Variants in SCHIP1 observed in about 807,000 individuals in gnomAD.
The protein encoded by SCHIP1 is schwannomin-interacting protein 1.
A neutral mutation model predicts 29.7 loss-of-function variants in SCHIP1; 8 were observed. The ratio of observed to expected loss-of-function variants is 0.27; its 90% CI spans 0.16 to 0.49. SCHIP1 has a LOEUF of 0.49. Among genes scored for constraint, SCHIP1 ranks in the 20% least tolerant of loss-of-function variants. The probability of loss-of-function intolerance (pLI) is 0.99; values close to 1 mark genes in which losing one functional copy is unlikely to be tolerated. For missense variants in SCHIP1, 193 were observed against 294.6 expected, an observed-to-expected ratio of 0.66 and a Z score of 2.52; for synonymous variants, 76 against 94.9, an observed-to-expected ratio of 0.80 and a Z score of 1.16.
chr3:159,804,018 C>CTGAAAAATAGT, the SCHIP1 span, among the ~76,000 whole-genome samples: 2 of 152,164 alleles, frequency 1.3e-5, no homozygotes, highest in African/African-American at 4.8e-5. Flanking sequence ...ACGATGGCCT[C>CTGAAAAATAGT]ACACCTTTGA....
chr3:159,712,811 AAGAAAGAAAGAAGAG>A, the SCHIP1 span, among the ~76,000 whole-genome samples: 4 of 150,028 alleles, frequency 2.7e-5, no homozygotes, highest in African/African-American at 7.5e-5. Context: ...GAGAAAGAAA[AAGAAAGAAAGAAGAG>A]AGAAAGAAAG....
the SCHIP1 span, among the ~76,000 whole-genome samples, chr3:159,421,958 G>T: frequency 6.6e-6 from 1 of 152,102 alleles, no homozygotes. Flanking sequence ...AAGAAAGTAA[G>T]TTAAGTGAAA....
intron 2 of SCHIP1, among the ~76,000 whole-genome samples, chr3:159,878,772 C>T (rs1429688457): frequency 1.3e-4 from 19 of 142,120 alleles, no homozygotes; most frequent in Admixed American, 1.2e-3. Flanking sequence ...AGCGAGACTC[C>T]GTCTCAAAAA....
chr3:159,443,861 G>A, the SCHIP1 span, among the ~76,000 whole-genome samples: 7 of 152,258 alleles, frequency 4.6e-5, no homozygotes, highest in East Asian at 1.4e-3. Context: ...CTCTGTATGA[G>A]TTCCACTTTG....
At chr3:159,448,479 A>C in the SCHIP1 span, among the ~76,000 whole-genome samples, 1 of 152,106 alleles carries the variant, frequency 6.6e-6, no homozygotes, top group Non-Finnish European at 1.5e-5. Context: ...CAAAGAAAGA[A>C]AAAAAAGTAT....
At chr3:159,540,016 A>G in the SCHIP1 span, among the ~76,000 whole-genome samples, 2 of 152,012 alleles carry the variant, frequency 1.3e-5, no homozygotes, top group African/African-American at 4.8e-5. Context: ...TAATTTTTTT[A>G]TAGATACAGG....
the SCHIP1 span, among the ~76,000 whole-genome samples, chr3:159,706,929 C>T: frequency 1.3e-5 from 2 of 152,144 alleles, no homozygotes; most frequent in Non-Finnish European, 2.9e-5. Flanking sequence ...ATTCAGCACT[C>T]GTTATGTGTC....
upstream of SCHIP1, among the ~76,000 whole-genome samples, chr3:159,836,577 T>C (rs1743677873): frequency 6.6e-6 from 1 of 152,254 alleles, no homozygotes; most frequent in African/African-American, 2.4e-5. Flanking sequence ...CTTTGATGGC[T>C]TTTTGTTGTT....
the SCHIP1 span, among the ~76,000 whole-genome samples, chr3:159,657,902 T>C: frequency 6.6e-6 from 1 of 152,218 alleles, no homozygotes; most frequent in Non-Finnish European, 1.5e-5. Flanking sequence ...ACACCCTGAC[T>C]TATAGCTATG....
At chr3:159,830,358 A>G in the SCHIP1 span, among the ~76,000 whole-genome samples, 1 of 152,158 alleles carries the variant, frequency 6.6e-6, no homozygotes, top group African/African-American at 2.4e-5. Context: ...TTTCATATTG[A>G]TTTTCATTTT....
intron 1 of SCHIP1, among the ~76,000 whole-genome samples, chr3:159,851,322 T>C (rs1192878639): frequency 6.6e-6 from 1 of 152,206 alleles, no homozygotes; most frequent in Non-Finnish European, 1.5e-5. Flanking sequence ...TTGATTATTT[T>C]ATTCAGCACA....
chr3:159,697,027 G>C, the SCHIP1 span, among the ~76,000 whole-genome samples: 1 of 152,154 alleles, frequency 6.6e-6, no homozygotes, highest in African/African-American at 2.4e-5. Flanking sequence ...GCCATTGAAC[G>C]ATTTTAAGGG....
At chr3:159,585,093 C>T in the SCHIP1 span, among the ~76,000 whole-genome samples, 1 of 144,860 alleles carries the variant, frequency 6.9e-6, no homozygotes, top group Non-Finnish European at 1.5e-5. Context: ...ACCAGCACTT[C>T]TGACCCTCTC....
chr3:159,511,513 C>T, the SCHIP1 span, among the ~76,000 whole-genome samples: 4 of 152,152 alleles, frequency 2.6e-5, no homozygotes, highest in Admixed American at 6.5e-5. Flanking sequence ...GAGATGAACT[C>T]GGTACCTCAG....
chr3:159,603,216 GAAACGAC>G, the SCHIP1 span, among the ~76,000 whole-genome samples: 1 of 152,316 alleles, frequency 6.6e-6, no homozygotes, highest in South Asian at 2.1e-4. Flanking sequence ...AGTTACGGGG[GAAACGAC>G]ACAGAGCTTC....
intron 1 of SCHIP1, among the ~76,000 whole-genome samples, chr3:159,847,109 T>G (rs1330257387): frequency 6.6e-6 from 1 of 152,218 alleles, no homozygotes; most frequent in African/African-American, 2.4e-5. Context: ...GTGAAACATA[T>G]TTTAATCCAA....
the SCHIP1 span, among the ~76,000 whole-genome samples, chr3:159,754,745 T>G: frequency 1.3e-5 from 2 of 152,204 alleles, no homozygotes; most frequent in Non-Finnish European, 2.9e-5. Flanking sequence ...AGCCAAGATG[T>G]ACAGTCTCCC....
the SCHIP1 span, among the ~76,000 whole-genome samples, chr3:159,599,223 T>C: frequency 2.6e-4 from 39 of 152,330 alleles, no homozygotes; most frequent in African/African-American, 8.7e-4. Flanking sequence ...TTTGTTTCTT[T>C]AATATTGTTG....
the SCHIP1 span, among the ~76,000 whole-genome samples, chr3:159,580,111 T>C: frequency 1.3e-5 from 2 of 152,174 alleles, no homozygotes; most frequent in South Asian, 2.1e-4. Context: ...GATTCTGTTA[T>C]GGTGTAAATA....
Sources: allele counts gnomAD v4.1 joint callset (sites outside exome capture counted in the v4.1 genomes callset), GRCh38; gene constraint gnomAD v4.1.1; transcripts MANE v1.5; gene names NCBI Gene and HGNC (gene_info 2026-07-23, HGNC 2026-07-21).